CHST9: variants seen among roughly 807,000 people sequenced by gnomAD.
CHST9 encodes GalNAc-4-sulfotransferase 2.
CHST9 carries 41 observed loss-of-function variants against 44.4 expected under a neutral mutation model. The ratio of observed to expected loss-of-function variants is 0.92; its 90% CI spans 0.72 to 1.20. CHST9 has a LOEUF of 1.20. Ranked by LOEUF, CHST9 falls within the 50% of genes most tolerant of loss-of-function variation. CHST9 has a pLI of 0.00. For synonymous variants in CHST9, 171 were observed against 178.4 expected (o/e 0.96, Z 0.33); for missense variants, 504 against 516.5 (o/e 0.98, Z 0.23).
Position 26,908,252 on chromosome 18 carries a change from A to T in CHST9, c.*8007T>A, listed in dbSNP as rs2055394460. 1 of 152,310 alleles carries T rather than the reference A, an allele frequency of 6.6e-6. No homozygotes were observed. The highest frequency in any genetic ancestry group is 2.1e-4 in the South Asian group (1 of 4,828). 9.4% of individuals were successfully genotyped at this position (152,310 alleles called of 1,614,324 possible). A position where few individuals can be genotyped will look rare whatever the true frequency, so the allele number is the denominator to read the frequency against. ...GCCAATGTGGTGAAACCCAATCTCT[A>T]CTAAAAATACAAAAATTAGCTGGGC... On this transcript the variant is annotated 3_prime_UTR_variant, in exon 6 of 6. Transcript: ENST00000618847.
intron 5 of CHST9, among the ~76,000 whole-genome samples, chr18:26,939,813 T>C (rs2056056114): frequency 6.6e-6 from 1 of 152,184 alleles, no homozygotes. Context: ...AGGATGGAAA[T>C]GACTCAGTCC....
intron 3 of CHST9, among the ~76,000 whole-genome samples, chr18:27,037,146 A>G (rs2057398103): frequency 6.6e-6 from 1 of 152,104 alleles, no homozygotes; most frequent in Admixed American, 6.6e-5. Context: ...TAAAAATCTA[A>G]ATTGGTCACA....
At chr18:27,084,774 T>G (rs2057994855) in intron 2 of CHST9, among the ~76,000 whole-genome samples, 1 of 152,106 alleles carries the variant, frequency 6.6e-6, no homozygotes, top group Non-Finnish European at 1.5e-5. Context: ...TCTAACTTTT[T>G]GATGTGGGCT....
rs191207816 is a variant in CHST9 at position 27,108,210 on chromosome 18, C to T, written c.121+34479G>A. 6.8e-4 allele frequency among the ~76,000 whole-genome samples: 104 copies of T among 152,206 alleles called. 1 individual carries two copies. Among genetic ancestry groups the T allele is most frequent in the Middle Eastern group, 3.4e-3 (1 of 292 alleles). On this transcript the variant is annotated intron_variant, in intron 2 of 5. Coordinates refer to ENST00000618847, the MANE Select transcript of CHST9 (RefSeq NM_031422.6). ...ATGGTTCACCTGCCTGTGTAGCTCT[C>T]CCCTCACAGCTGTGGCTGGATCTAT...
In CHST9 at chr18:26,937,965, T is replaced by C. The variant is rs150883205; in HGVS notation, c.240+6364A>G. Among the ~76,000 whole-genome samples the C allele has an allele frequency of 2.5e-3, 386 of 152,310 alleles. 5 individuals are homozygous for C. The highest frequency in any genetic ancestry group is 8.9e-3 in the African/African-American group (368 of 41,562). ...GGTTGTTGTAACAAAACATGAGATA[T>C]GGAGCACTGAGTGATTAGCACAATT... On this transcript the variant is annotated intron_variant, in intron 5 of 5. Transcript: ENST00000618847.
intron 2 of CHST9, among the ~76,000 whole-genome samples, chr18:27,091,733 T>C (rs2058070877): frequency 6.6e-6 from 1 of 152,356 alleles, no homozygotes; most frequent in Non-Finnish European, 1.5e-5. Flanking sequence ...TTCCTGTTTA[T>C]ATGATGGATT....
chr18:27,080,630 C>T lies in CHST9; in HGVS notation c.122-32127G>A, dbSNP rs2057950838. Among the ~76,000 whole-genome samples, 3 of 152,106 alleles carry T rather than the reference C, an allele frequency of 2.0e-5. No individual in the cohort carries two copies. The South Asian group carries it at 6.2e-4, about 32-fold the overall frequency. Reference sequence around the variant, plus strand: ...CACTGTGTAAAGAAGGCATAGGTGGCCAAATGTGTAATTTGGTGTGTTGAG... The same window carrying T: ...CACTGTGTAAAGAAGGCATAGGTGGTCAAATGTGTAATTTGGTGTGTTGAG... On this transcript the variant is annotated intron_variant, in intron 2 of 5. Transcript: ENST00000618847.
intron 4 of CHST9, among the ~76,000 whole-genome samples, chr18:27,006,738 T>G (rs1238746741): frequency 2.0e-5 from 3 of 152,144 alleles, no homozygotes; most frequent in African/African-American, 2.4e-5. Flanking sequence ...AGATGTTATT[T>G]CGGTTCAACC....
Position 26,961,445 on chromosome 18 carries a change from C to T in CHST9, c.203-17079G>A, listed in dbSNP as rs542222260. Among the ~76,000 whole-genome samples, 7 of 150,956 alleles carry T rather than the reference C, an allele frequency of 4.6e-5. No individual in the cohort carries two copies. The South Asian group carries it at 1.5e-3, about 32-fold the overall frequency. On this transcript the variant is annotated intron_variant, in intron 4 of 5. Coordinates refer to ENST00000618847, the MANE Select transcript of CHST9 (RefSeq NM_031422.6). ...ATCTGTTTCCTTTTTTTTTTTTGCC[C>T]TTGTGACAGCAACTGGCTCCATTGC...
chr18:27,091,832 G>C (rs1464778735), intron 2 of CHST9, among the ~76,000 whole-genome samples: 1 of 152,170 alleles, frequency 6.6e-6, no homozygotes, highest in African/African-American at 2.4e-5. Context: ...TTGATGTGCT[G>C]CTGGATTTGG....
intron 4 of CHST9, among the ~76,000 whole-genome samples, chr18:26,964,721 T>G (rs1432119235): frequency 3.9e-5 from 6 of 152,186 alleles, no homozygotes; most frequent in African/African-American, 1.4e-4. Flanking sequence ...CTTCCATGTG[T>G]GCTGTGATGT....
intron 2 of CHST9, among the ~76,000 whole-genome samples, chr18:27,111,575 T>A (rs899972882): frequency 6.6e-6 from 1 of 151,890 alleles, no homozygotes; most frequent in African/African-American, 2.4e-5. Flanking sequence ...AATTCAAGAG[T>A]GCCACACAAA....
At chr18:27,028,527 C>T (rs944599941) in intron 3 of CHST9, among the ~76,000 whole-genome samples, 18 of 151,988 alleles carry the variant, frequency 1.2e-4, no homozygotes, top group African/African-American at 3.6e-4. Flanking sequence ...TCAGGCAAAT[C>T]ACTTAGGAGG....
chr18:26,951,334 T>G (rs914661242), intron 4 of CHST9, among the ~76,000 whole-genome samples: 3 of 152,226 alleles, frequency 2.0e-5, no homozygotes, highest in Non-Finnish European at 4.4e-5. Flanking sequence ...CACCCCGAAC[T>G]GATTAAAATT....
intron 2 of CHST9, among the ~76,000 whole-genome samples, chr18:27,078,043 AG>A (rs1201942993): frequency 6.6e-6 from 1 of 152,126 alleles, no homozygotes; most frequent in African/African-American, 2.4e-5. Flanking sequence ...AACAACAGCA[AG>A]GGGGAAGTCT....
Position 26,914,584 on chromosome 18 carries a change from A to G in CHST9, c.*1675T>C, listed in dbSNP as rs1359980241. The G allele has an allele frequency of 4.8e-6, 1 of 207,646 alleles. No individual in the cohort carries two copies. Among genetic ancestry groups the G allele is most frequent in the South Asian group, 1.9e-4 (1 of 5,342 alleles). The allele number at this position is 207,646 out of a possible 1,614,324, so 12.9% of individuals were successfully genotyped here. A position where few individuals can be genotyped will look rare whatever the true frequency, so the allele number is the denominator to read the frequency against. On this transcript the variant is annotated 3_prime_UTR_variant, in exon 6 of 6. Transcript: ENST00000618847. ...AGAGTTAATGGCATGGAAAAGTAGT[A>G]AAAGGTTGGATTAGAAGGTTTAATA...
chr18:27,172,485 CTTTAT>C lies in CHST9; in HGVS notation c.-97+12646_-97+12650del, dbSNP rs139962467. On this transcript the variant is annotated intron_variant, in intron 1 of 5. Coordinates refer to ENST00000618847, the MANE Select transcript of CHST9 (RefSeq NM_031422.6). ...AAGAGCAAAGCTGTTATATTATTAC[CTTTAT>C]TTTAAGATAATCAGTACTTCTTAAG... is the stretch of plus-strand genomic sequence containing the variant. Among the ~76,000 whole-genome samples, 851 of 151,984 alleles carry C rather than the reference CTTTAT, an allele frequency of 5.6e-3. 7 individuals are homozygous for C. The highest frequency in any genetic ancestry group is 0.016 in the African/African-American group (663 of 41,518).
intron 4 of CHST9, among the ~76,000 whole-genome samples, chr18:26,971,404 G>A (rs1243103683): frequency 6.6e-6 from 1 of 152,248 alleles, no homozygotes. Context: ...ACCTGGCATT[G>A]TTGTCAGTAC....
intron 2 of CHST9, among the ~76,000 whole-genome samples, chr18:27,068,633 C>T (rs2057807063): frequency 6.6e-6 from 1 of 152,174 alleles, no homozygotes; most frequent in Admixed American, 6.5e-5. Context: ...AACTTACCAA[C>T]ATACTACTAG....
Sources: allele counts gnomAD v4.1 joint callset (sites outside exome capture counted in the v4.1 genomes callset), GRCh38; gene constraint gnomAD v4.1.1; transcripts MANE v1.5; gene names NCBI Gene and HGNC (gene_info 2026-07-23, HGNC 2026-07-21).